The following GRID2 variants were observed in gnomAD, a reference collection of about 807,000 sequenced individuals.
GRID2 encodes the protein glutamate receptor ionotropic, delta-2.
GRID2 carries 33 observed loss-of-function variants against 114.8 expected under a neutral mutation model. The ratio of observed to expected loss-of-function variants is 0.29; its 90% CI spans 0.22 to 0.38. The LOEUF (loss-of-function observed/expected upper bound fraction) is 0.38, where lower values mean the gene tolerates loss of function less well. Among genes scored for constraint, GRID2 ranks in the 10% least tolerant of loss-of-function variants. GRID2 has a pLI of 1.00. For missense variants in GRID2, 1,184 were observed against 1,257.7 expected, an observed-to-expected ratio of 0.94 and a Z score of 0.89; for synonymous variants, 505 against 449.9, an observed-to-expected ratio of 1.12 and a Z score of -1.55.
intron 8 of GRID2, among the ~76,000 whole-genome samples, chr4:93,338,187 G>A (rs143087947): frequency 1.3e-5 from 2 of 152,204 alleles, no homozygotes; most frequent in Admixed American, 6.5e-5. Flanking sequence ...TGAACAGGAA[G>A]CATATTTTCT....
At chr4:92,390,248 C>G (rs963116734) in intron 1 of GRID2, among the ~76,000 whole-genome samples, 5 of 152,068 alleles carry the variant, frequency 3.3e-5, no homozygotes, top group Admixed American at 2.0e-4. Context: ...CCTTCAACAA[C>G]AAACCAGTGA....
chr4:93,158,979 T>C (rs1049254759), intron 4 of GRID2, among the ~76,000 whole-genome samples: 2 of 151,830 alleles, frequency 1.3e-5, no homozygotes, highest in African/African-American at 4.8e-5. Flanking sequence ...GTACAAAGAT[T>C]CATTGGCCAT....
intron 8 of GRID2, among the ~76,000 whole-genome samples, chr4:93,380,992 A>T (rs566541425): frequency 6.6e-6 from 1 of 152,034 alleles, no homozygotes; most frequent in Admixed American, 6.6e-5. Context: ...GAGGTGCTTT[A>T]GTTACCCTTT....
intron 4 of GRID2, among the ~76,000 whole-genome samples, chr4:93,149,914 G>T (rs1195928774): frequency 1.3e-5 from 2 of 151,876 alleles, no homozygotes; most frequent in African/African-American, 2.4e-5. Context: ...GGGATTACAG[G>T]TGTGGGTCAC....
At chr4:93,005,013 T>G (rs913761566) in intron 2 of GRID2, among the ~76,000 whole-genome samples, 1 of 152,026 alleles carries the variant, frequency 6.6e-6, no homozygotes, top group African/African-American at 2.4e-5. Context: ...GGACCTAGCC[T>G]TTAGGGCACT....
At chr4:92,951,252 C>A (rs1752012040) in intron 2 of GRID2, among the ~76,000 whole-genome samples, 1 of 151,816 alleles carries the variant, frequency 6.6e-6, no homozygotes, top group East Asian at 1.9e-4. Flanking sequence ...TATTAAATAT[C>A]TTGTTTTTTG....
At chr4:93,225,531 T>A (rs951078608) in intron 7 of GRID2, among the ~76,000 whole-genome samples, 1 of 152,180 alleles carries the variant, frequency 6.6e-6, no homozygotes, top group African/African-American at 2.4e-5. Context: ...GAGACAGACA[T>A]TTGGAAGTTT....
At position 93,772,183 on chromosome 4, in the gene GRID2, C is replaced by T. The variant is rs752786220; in HGVS notation, c.2709C>T (p.Thr903=). Residue 903 remains threonine (T), a synonymous_variant, in exon 16 of 16, where the codon ACC becomes ACT. Transcript: ENST00000282020. ...TTTCCACCTCGTCAATTGATTTGAC[C>T]CCTCTGGACATTGACACTTTGCCAA... The part of the protein sequence containing the change: ...KQFSTSSIDL[T]PLDIDTLPTR... 9 of 1,613,524 alleles carry T rather than the reference C, an allele frequency of 5.6e-6. No homozygotes were observed. The highest frequency in any genetic ancestry group is 1.6e-4 in the Middle Eastern group (1 of 6,082).
At chr4:92,860,589 A>G (rs761508973) in intron 2 of GRID2, among the ~76,000 whole-genome samples, 1 of 152,112 alleles carries the variant, frequency 6.6e-6, no homozygotes, top group Non-Finnish European at 1.5e-5. Context: ...TTTCTCTTGA[A>G]ACTTATCTAT....
intron 1 of GRID2, among the ~76,000 whole-genome samples, chr4:93,793,475 T>A (rs1015132606): frequency 5.9e-5 from 9 of 152,210 alleles, no homozygotes; most frequent in Non-Finnish European, 1.0e-4. Flanking sequence ...CAACTTCCAA[T>A]TCCTCCTATG....
At chr4:92,874,005 C>T (rs1244318701) in intron 2 of GRID2, among the ~76,000 whole-genome samples, 8 of 152,174 alleles carry the variant, frequency 5.3e-5, no homozygotes, top group African/African-American at 1.7e-4. Context: ...TCAGCCACTG[C>T]GCCCGGCCTC....
intron 2 of GRID2, among the ~76,000 whole-genome samples, chr4:93,054,697 T>C (rs1438112206): frequency 6.6e-6 from 1 of 151,914 alleles, no homozygotes; most frequent in Non-Finnish European, 1.5e-5. Context: ...ATTAGCTGAT[T>C]TTATCCATTG....
intron 4 of GRID2, among the ~76,000 whole-genome samples, chr4:93,127,540 A>C (rs2149370374): frequency 6.6e-6 from 1 of 152,328 alleles, no homozygotes; most frequent in East Asian, 1.9e-4. Context: ...ACACTGCTGT[A>C]TGTGTATTTT....
At chr4:92,541,849 C>T (rs1725979996) in intron 1 of GRID2, among the ~76,000 whole-genome samples, 1 of 151,910 alleles carries the variant, frequency 6.6e-6, no homozygotes, top group Admixed American at 6.6e-5. Context: ...CCTGGAATAA[C>T]TACCACCACC....
chr4:93,044,021 A>G (rs1725886141), intron 2 of GRID2, among the ~76,000 whole-genome samples: 1 of 152,016 alleles, frequency 6.6e-6, no homozygotes, highest in Admixed American at 6.6e-5. Flanking sequence ...GAAGAAAGTG[A>G]TAGTACAACA....
intron 8 of GRID2, among the ~76,000 whole-genome samples, chr4:93,370,737 ACT>A (rs1163749724): frequency 4.0e-5 from 6 of 151,286 alleles, no homozygotes; most frequent in Non-Finnish European, 7.4e-5. Flanking sequence ...CTTACATGTA[ACT>A]CTATTACTGT....
At position 93,407,712 on chromosome 4, in the gene GRID2, C is replaced by A. The variant is rs945793837; in HGVS notation, c.1347+12004C>A. ...TTCATGTTTGGAAGGTCTCCTCCTC[C>A]TCCTCCTCCTTCTCCTCCTCCTCCT... On this transcript the variant is annotated intron_variant, in intron 9 of 15. Coordinates refer to ENST00000282020, the MANE Select transcript of GRID2 (RefSeq NM_001510.4). Among the ~76,000 whole-genome samples the A allele has an allele frequency of 8.5e-3, 1,097 of 129,030 alleles. 26 individuals are homozygous for A. Among genetic ancestry groups the A allele is most frequent in the African/African-American group, 0.036 (1,047 of 28,774 alleles). The allele number at this position is 129,030 out of a possible 152,430, so 84.6% of individuals were successfully genotyped here.
At chr4:92,634,748 T>C (rs1204918051) in intron 2 of GRID2, among the ~76,000 whole-genome samples, 3 of 73,708 alleles carry the variant, frequency 4.1e-5, no homozygotes, top group Non-Finnish European at 8.4e-5. Flanking sequence ...TTTTTTTTTC[T>C]TTTTTTTTTT....
At chr4:93,349,770 A>T (rs1760610035) in intron 8 of GRID2, among the ~76,000 whole-genome samples, 1 of 152,070 alleles carries the variant, frequency 6.6e-6, no homozygotes. Flanking sequence ...TTTTTTATTT[A>T]AAACCGAAAA....
Sources: allele counts gnomAD v4.1 joint callset (sites outside exome capture counted in the v4.1 genomes callset), GRCh38; gene constraint gnomAD v4.1.1; transcripts MANE v1.5; gene names NCBI Gene and HGNC (gene_info 2026-07-23, HGNC 2026-07-21).